NR1H3: variants seen among roughly 807,000 people sequenced by gnomAD.
NR1H3 encodes oxysterols receptor LXR-alpha.
In NR1H3, 19 loss-of-function variants were observed where a neutral mutation model predicts 48.1. The ratio of observed to expected loss-of-function variants is 0.40; its 90% confidence interval spans 0.28 to 0.58. The LOEUF (loss-of-function observed/expected upper bound fraction) is 0.58. Ranked by LOEUF, NR1H3 falls within the 20% of genes least tolerant of loss-of-function variation. The pLI is 0.50. For synonymous variants in NR1H3, 232 were observed against 227.3 expected (o/e 1.02, Z -0.19); for missense variants, 486 against 595.9 (o/e 0.82, Z 1.92).
chr11:47,248,791 A>G (rs757891534), upstream of NR1H3: 5 of 1,589,168 alleles, frequency 3.1e-6, no homozygotes, highest in South Asian at 5.7e-5. Flanking sequence ...GCCCGCCATC[A>G]CCGTTGTAAT....
upstream of NR1H3, among the ~76,000 whole-genome samples, chr11:47,255,558 TTTCTTTC>T (rs1354129547): frequency 1.5e-4 from 10 of 67,726 alleles, no homozygotes; most frequent in Admixed American, 4.3e-4. Flanking sequence ...TCTTTCTTTC[TTTCTTTC>T]TTTCTTTCTT....
Position 47,259,437 on chromosome 11 carries a change from C to CT in NR1H3, c.43+180dup, listed in dbSNP as rs749914065. On this transcript the variant is annotated intron_variant, in intron 2 of 9. Coordinates refer to ENST00000441012, the MANE Select transcript of NR1H3 (RefSeq NM_005693.4). ...TCTCCCCTGGTTCCAGTGCCTGGCC[C>CT]TTGCAGGCACCCGCCCAGTCCTCCC... 3.2e-6 allele frequency: 5 copies of CT among 1,555,448 alleles called. No homozygotes were observed. The South Asian group carries it at 5.9e-5, about 18-fold the overall frequency.
intron 7 of NR1H3, among the ~76,000 whole-genome samples, chr11:47,265,504 T>C (rs1389938645): frequency 6.6e-6 from 1 of 152,196 alleles, no homozygotes; most frequent in Non-Finnish European, 1.5e-5. Context: ...AGAGACATTC[T>C]CTAGGTATCA....
chr11:47,248,485 C>T, upstream of NR1H3: 1 of 1,549,672 alleles, frequency 6.5e-7, no homozygotes, highest in Non-Finnish European at 8.7e-7. Context: ...GCAGACTCAC[C>T]CCGACGTATT....
intron 7 of NR1H3, among the ~76,000 whole-genome samples, 166 bp from the exon 8 acceptor site, chr11:47,267,747 G>T (rs1257246305): frequency 2.0e-5 from 3 of 152,114 alleles, no homozygotes; most frequent in Non-Finnish European, 1.5e-5. Context: ...GACTTCAGGT[G>T]ATCCGCCCGC....
upstream of NR1H3, chr11:47,248,334 C>A: frequency 8.6e-7 from 1 of 1,158,848 alleles, no homozygotes; most frequent in Non-Finnish European, 1.2e-6. Flanking sequence ...TACTGGAGAC[C>A]ATAGGCAAAG....
chr11:47,263,588 T>C (rs1367442974), intron 7 of NR1H3, among the ~76,000 whole-genome samples: 2 of 150,382 alleles, frequency 1.3e-5, no homozygotes, highest in Non-Finnish European at 3.0e-5. Context: ...CCCTACTCTT[T>C]TTCTTTTTTT....
upstream of NR1H3, chr11:47,248,736 GAGA>G (rs1954340972): frequency 6.2e-7 from 1 of 1,610,812 alleles, no homozygotes; most frequent in South Asian, 1.1e-5. Flanking sequence ...GGTTCACGCC[GAGA>G]AGGAGCTGGA....
chr11:47,249,002 A>G (rs754291438), intron 1 of NR1H3: 29 of 1,482,782 alleles, frequency 2.0e-5, no homozygotes, highest in Non-Finnish European at 2.6e-5. Context: ...ATAAGAAGGT[A>G]ACGCGACCTG....
At chr11:47,248,860 C>T, upstream of NR1H3, 1 of 1,551,516 alleles carries the variant, frequency 6.4e-7, no homozygotes, top group Non-Finnish European at 8.7e-7. Flanking sequence ...CGCCCGGACG[C>T]ACCCGTAAGG....
intron 1 of NR1H3, 169 bp from the exon 2 acceptor site, chr11:47,259,011 T>TA (rs1284326041): frequency 6.3e-6 from 8 of 1,260,328 alleles, no homozygotes; most frequent in African/African-American, 1.5e-5. Context: ...AACCTGTCTC[T>TA]AAAAAACATA....
At chr11:47,255,008 G>C (rs1195868491), upstream of NR1H3, among the ~76,000 whole-genome samples, 1 of 152,230 alleles carries the variant, frequency 6.6e-6, no homozygotes, top group African/African-American at 2.4e-5. Flanking sequence ...AACAGGAAGA[G>C]CCGGTGAGCA....
chr11:47,252,843 A>T (rs953645928), intron 1 of NR1H3, among the ~76,000 whole-genome samples: 16 of 151,824 alleles, frequency 1.1e-4, no homozygotes, highest in African/African-American at 3.6e-4. Flanking sequence ...TGCTGGGATT[A>T]CAGGCATGAG....
chr11:47,261,373 T>G lies in NR1H3; in HGVS notation c.632T>G (p.Leu211Arg). The G allele has an allele frequency of 6.2e-7, 1 of 1,613,842 alleles. No homozygotes were observed. Among genetic ancestry groups the G allele is most frequent in the Admixed American group, 1.7e-5 (1 of 59,996 alleles). The change falls in exon 5 of 10, where the codon CTG becomes CGG. Residue 211 changes from leucine to arginine, a missense_variant. Coordinates refer to ENST00000441012, the MANE Select transcript of NR1H3 (RefSeq NM_005693.4). Reference protein sequence around the residue: ...QILPQLSPEQLGMIEKLVAAQ... With the variant: ...QILPQLSPEQRGMIEKLVAAQ... ...CTGCCCCAGCTCAGCCCGGAACAAC[T>G]GGGCATGATCGAGAAGCTCGTCGCT... is the stretch of plus-strand genomic sequence containing the variant.
intron 8 of NR1H3, 110 bp downstream of exon 8, chr11:47,268,136 A>G (rs1957103870): frequency 2.5e-6 from 3 of 1,178,468 alleles, no homozygotes; most frequent in Admixed American, 1.9e-5. Flanking sequence ...GGGTGGAGGC[A>G]TTTGCTGTGT....
At chr11:47,248,718 C>G, upstream of NR1H3, 1 of 1,611,936 alleles carries the variant, frequency 6.2e-7, no homozygotes, top group African/African-American at 1.3e-5. Flanking sequence ...TGGGCGGCAT[C>G]ACCACCAGGT....
intron 6 of NR1H3, 55 bp from the exon 7 acceptor site, chr11:47,261,864 A>G (rs41275186): frequency 0.027 from 43,824 of 1,594,948 alleles, 770 homozygotes; most frequent in Non-Finnish European, 0.032. Flanking sequence ...GGAAGAGGCC[A>G]TGCTCCAAGA....
upstream of NR1H3, among the ~76,000 whole-genome samples, chr11:47,256,702 T>C (rs1431440753): frequency 6.9e-6 from 1 of 145,690 alleles, no homozygotes; most frequent in Non-Finnish European, 1.5e-5. Context: ...CTAGGGCTAA[T>C]AAGTACGGGA....
upstream of NR1H3, among the ~76,000 whole-genome samples, chr11:47,255,539 CTTTTTCTTTCTTTCTT>C (rs1955005798): frequency 1.9e-4 from 21 of 110,482 alleles, no homozygotes; most frequent in African/African-American, 4.0e-4. Flanking sequence ...TTCTTTCTTT[CTTTTTCTTTCTTTCTT>C]TCTTTCTTTC....
Sources: allele counts gnomAD v4.1 joint callset (sites outside exome capture counted in the v4.1 genomes callset), GRCh38; gene constraint gnomAD v4.1.1; transcripts MANE v1.5; gene names NCBI Gene and HGNC (gene_info 2026-07-23, HGNC 2026-07-21).